The following CSMD1 variants were observed in gnomAD, a reference collection of about 807,000 sequenced individuals.
CSMD1 encodes the protein CUB and Sushi multiple domains 1, also known as CUB and sushi domain-containing protein 1.
A neutral mutation model predicts 417.5 loss-of-function variants in CSMD1; 213 were observed. The observed-to-expected ratio is 0.51, with a 90% confidence interval of 0.46 to 0.57. CSMD1 has a LOEUF of 0.57. Among genes scored for constraint, CSMD1 ranks in the 20% least tolerant of loss-of-function variants. The probability of loss-of-function intolerance (pLI) is 0.00; values close to 1 mark genes in which losing one functional copy is unlikely to be tolerated. For missense variants in CSMD1, 6,923 were observed against 4,529.7 expected (o/e 1.53, Z -15.17); for synonymous variants, 2,862 against 1,736.8 (o/e 1.65, Z -16.11).
At chr8:3,129,448 T>A (rs1817676860) in intron 41 of CSMD1, among the ~76,000 whole-genome samples, 1 of 152,126 alleles carries the variant, frequency 6.6e-6, no homozygotes, top group African/African-American at 2.4e-5. Context: ...TTAATAACCT[T>A]ACCTGTAAAA....
intron 26 of CSMD1, among the ~76,000 whole-genome samples, chr8:3,281,833 G>C (rs182088390): frequency 5.3e-5 from 8 of 152,278 alleles, no homozygotes; most frequent in African/African-American, 1.9e-4. Context: ...GTTGGAGGTA[G>C]TGCCTGGAGG....
chr8:4,286,962 C>G (rs1007849243), intron 3 of CSMD1, among the ~76,000 whole-genome samples: 6 of 152,098 alleles, frequency 3.9e-5, no homozygotes, highest in South Asian at 2.1e-4. Flanking sequence ...ATAGAGGCAG[C>G]TGAAGGAGGC....
chr8:4,029,312 T>C (rs961637732), intron 4 of CSMD1, among the ~76,000 whole-genome samples: 3 of 152,184 alleles, frequency 2.0e-5, no homozygotes, highest in African/African-American at 7.2e-5. Flanking sequence ...ACGCTGGTGA[T>C]AATGCATACC....
intron 8 of CSMD1, among the ~76,000 whole-genome samples, chr8:3,608,495 G>C (rs1801729278): frequency 6.6e-6 from 1 of 152,130 alleles, no homozygotes; most frequent in African/African-American, 2.4e-5. Context: ...TGGGCGCTGT[G>C]GCTCACGCCT....
rs1462812041 is a variant in CSMD1, at chr8:3,157,877, T to C, written c.5914+20A>G. The C allele has an allele frequency of 6.5e-7, 1 of 1,546,324 alleles. No homozygotes were observed. On this transcript the variant is annotated intron_variant, in intron 39 of 69. Transcript: ENST00000635120. ...CCCAGTGTGTGCGCAGCAGCAGAGT[T>C]ACAGAAGGTGCATCCTTACCAATGC...
At chr8:2,971,315 A>G (rs1804437242) in intron 57 of CSMD1, among the ~76,000 whole-genome samples, 1 of 152,036 alleles carries the variant, frequency 6.6e-6, no homozygotes, top group Admixed American at 6.6e-5. Flanking sequence ...TCAGTGTAGG[A>G]CCCAATCCGA....
intron 3 of CSMD1, among the ~76,000 whole-genome samples, chr8:4,169,769 A>G (rs1481797258): frequency 6.6e-6 from 1 of 152,074 alleles, no homozygotes; most frequent in African/African-American, 2.4e-5. Flanking sequence ...TATTCATGGG[A>G]TGCTTCTTTA....
intron 33 of CSMD1, among the ~76,000 whole-genome samples, chr8:3,199,127 T>C (rs554144713): frequency 3.3e-5 from 5 of 152,350 alleles, no homozygotes; most frequent in African/African-American, 1.2e-4. Flanking sequence ...GCAGAATCTT[T>C]GAGCAATCTC....
intron 1 of CSMD1, among the ~76,000 whole-genome samples, chr8:4,858,708 G>A (rs534275991): frequency 6.7e-6 from 1 of 148,656 alleles, no homozygotes; most frequent in African/African-American, 2.5e-5. Context: ...CAACTTACAA[G>A]GGATGTGAAG....
At chr8:3,794,626 A>C (rs1022515098) in intron 5 of CSMD1, among the ~76,000 whole-genome samples, 10 of 151,992 alleles carry the variant, frequency 6.6e-5, no homozygotes, top group African/African-American at 2.4e-4. Context: ...TTATTTTTTA[A>C]TTTGCTAAAC....
At chr8:2,966,073 T>A (rs902925395) in intron 58 of CSMD1, 119 bp from the exon 59 acceptor site, 8 of 839,164 alleles carry the variant, frequency 9.5e-6, no homozygotes, top group Non-Finnish European at 1.5e-5. Context: ...AAGCAGTGAA[T>A]TAATACAGCA....
intron 3 of CSMD1, among the ~76,000 whole-genome samples, chr8:4,039,663 TG>T (rs1366001923): frequency 6.6e-6 from 1 of 152,180 alleles, no homozygotes; most frequent in Non-Finnish European, 1.5e-5. Flanking sequence ...CAGAACTGGC[TG>T]AGAATAACTC....
chr8:4,452,188 G>T (rs370444107), intron 2 of CSMD1, among the ~76,000 whole-genome samples: 5 of 151,970 alleles, frequency 3.3e-5, no homozygotes, highest in Non-Finnish European at 7.4e-5. Context: ...TTCGCTTAGT[G>T]CACGTTTCTG....
intron 54 of CSMD1, among the ~76,000 whole-genome samples, chr8:2,989,459 C>G (rs1401643609): frequency 3.9e-5 from 6 of 152,144 alleles, no homozygotes; most frequent in Non-Finnish European, 8.8e-5. Context: ...GGTCCATTAA[C>G]CTCCTCCTCC....
At chr8:4,929,195 C>G (rs1196898174) in intron 1 of CSMD1, among the ~76,000 whole-genome samples, 1 of 152,086 alleles carries the variant, frequency 6.6e-6, no homozygotes, top group African/African-American at 2.4e-5. Flanking sequence ...GGGAACAGAG[C>G]ACGAGGGGAC....
At chr8:4,116,410 C>T (rs552247053) in intron 3 of CSMD1, among the ~76,000 whole-genome samples, 7 of 151,936 alleles carry the variant, frequency 4.6e-5, no homozygotes, top group Admixed American at 2.0e-4. Flanking sequence ...TGAACCCTAA[C>T]GTAAGCTGTA....
intron 23 of CSMD1, among the ~76,000 whole-genome samples, chr8:3,320,644 C>G (rs868676005): frequency 6.6e-6 from 1 of 152,144 alleles, no homozygotes; most frequent in Non-Finnish European, 1.5e-5. Flanking sequence ...ACTAGACCAC[C>G]GCTGCATTGG....
At chr8:4,984,391 C>T (rs889256193) in intron 1 of CSMD1, among the ~76,000 whole-genome samples, 4 of 152,222 alleles carry the variant, frequency 2.6e-5, no homozygotes, top group African/African-American at 7.2e-5. Flanking sequence ...GTAGTGTACG[C>T]TTCCGATCCG....
intron 1 of CSMD1, among the ~76,000 whole-genome samples, chr8:4,835,971 A>G (rs1222673319): frequency 1.3e-5 from 2 of 152,110 alleles, no homozygotes; most frequent in Non-Finnish European, 2.9e-5. Context: ...TTAATTAGGT[A>G]CCTTCTAAAT....
Sources: gnomAD v4.1 joint callset for allele counts (sites outside exome capture counted in the v4.1 genomes callset) on GRCh38, gnomAD v4.1.1 for gene constraint, MANE v1.5 for transcripts, NCBI Gene and HGNC (gene_info 2026-07-23, HGNC 2026-07-21) for gene names.